The following PPM1E variants were observed in gnomAD, a reference collection of about 807,000 sequenced individuals.
The protein encoded by PPM1E is protein phosphatase, Mg2+/Mn2+ dependent 1E, also known as protein phosphatase 1E.
Under a neutral mutation model 65.9 loss-of-function variants are expected in PPM1E, and 20 were observed. The ratio of observed to expected loss-of-function variants is 0.30; its 90% CI spans 0.21 to 0.44. The LOEUF (loss-of-function observed/expected upper bound fraction) is 0.44, where lower values mean the gene tolerates loss of function less well. Among genes scored for constraint, PPM1E ranks in the 20% least tolerant of loss-of-function variants. PPM1E has a pLI of 1.00. For missense variants in PPM1E, 713 were observed against 953.1 expected (o/e 0.75, Z 3.32); for synonymous variants, 352 against 374.9 (o/e 0.94, Z 0.70).
intron 1 of PPM1E, among the ~76,000 whole-genome samples, chr17:58,819,985 CG>C (rs2050463546): frequency 1.3e-5 from 2 of 151,782 alleles, no homozygotes; most frequent in African/African-American, 4.8e-5. Flanking sequence ...TGCAGTGAGC[CG>C]AGATGGCACC....
rs1598662590 is a variant in PPM1E, at chr17:58,938,469, G to A, written c.465-17180G>A. On this transcript the variant is annotated intron_variant, in intron 1 of 6. Coordinates refer to ENST00000308249, the MANE Select transcript of PPM1E (RefSeq NM_014906.5). Reference sequence around the variant, plus strand: ...TTTTCAGGCTCCAAAGTCAATAGTGGTCTGTAATTATTCTTCATATATATA... The same window carrying A: ...TTTTCAGGCTCCAAAGTCAATAGTGATCTGTAATTATTCTTCATATATATA... Among the ~76,000 whole-genome samples, 3 of 152,194 alleles carry A rather than the reference G, an allele frequency of 2.0e-5. No individual in the cohort carries two copies. In the South Asian group the frequency reaches 6.2e-4, roughly 32 times the overall value.
rs1260179551 is a variant in PPM1E, at chr17:58,981,668, T to TAA, written c.*640_*641dup. 1 of 152,646 alleles carries TAA rather than the reference T, an allele frequency of 6.6e-6. No homozygotes were observed. Among genetic ancestry groups the TAA allele is most frequent in the East Asian group, 1.9e-4 (1 of 5,202 alleles). 9.5% of individuals were successfully genotyped at this position (152,646 alleles called of 1,614,324 possible). On this transcript the variant is annotated 3_prime_UTR_variant, in exon 7 of 7. Transcript: ENST00000308249. ...ATTTACGGATTTTTTTCCTGTAACA[T>TAA]AAAAGATTGTGAACTTTTTTTAATT...
intron 1 of PPM1E, among the ~76,000 whole-genome samples, chr17:58,856,773 C>G (rs966493540): frequency 6.6e-6 from 1 of 152,108 alleles, no homozygotes; most frequent in Non-Finnish European, 1.5e-5. Context: ...TAAATCAACC[C>G]TGATGACATC....
chr17:58,923,780 TG>T (rs1434010738), intron 1 of PPM1E, among the ~76,000 whole-genome samples: 2 of 148,104 alleles, frequency 1.4e-5, no homozygotes, highest in African/African-American at 5.0e-5. Context: ...TTGGACATGG[TG>T]GCTTGCACCA....
At chr17:58,863,776 G>A (rs1426923520) in intron 1 of PPM1E, among the ~76,000 whole-genome samples, 2 of 152,160 alleles carry the variant, frequency 1.3e-5, no homozygotes, top group African/African-American at 4.8e-5. Context: ...TGGAGTTCAG[G>A]TGTCCCAACC....
At chr17:58,764,583 G>A (rs995125145) in intron 1 of PPM1E, among the ~76,000 whole-genome samples, 23 of 152,036 alleles carry the variant, frequency 1.5e-4, no homozygotes, top group Non-Finnish European at 3.2e-4. Context: ...GTACAGGCAT[G>A]TGCCGTCATG....
At chr17:58,968,531 T>C (rs1244976955) in intron 3 of PPM1E, among the ~76,000 whole-genome samples, 1 of 152,174 alleles carries the variant, frequency 6.6e-6, no homozygotes, top group Non-Finnish European at 1.5e-5. Flanking sequence ...GCCTAACAGA[T>C]GAGAAAACTA....
intron 1 of PPM1E, among the ~76,000 whole-genome samples, chr17:58,929,359 C>A (rs1408001301): frequency 6.6e-6 from 1 of 152,058 alleles, no homozygotes; most frequent in African/African-American, 2.4e-5. Context: ...TGTCCTATAT[C>A]TTGGTAGGGT....
chr17:58,799,608 A>G (rs1228654578), intron 1 of PPM1E, among the ~76,000 whole-genome samples: 7 of 152,088 alleles, frequency 4.6e-5, no homozygotes, highest in Non-Finnish European at 8.8e-5. Flanking sequence ...ACGCCTGGCT[A>G]CATTTTTGTA....
chr17:58,863,060 TTGAA>T (rs1364924226), intron 1 of PPM1E, among the ~76,000 whole-genome samples: 3 of 152,228 alleles, frequency 2.0e-5, no homozygotes, highest in Admixed American at 2.0e-4. Flanking sequence ...ATGTCTGACT[TTGAA>T]TGGCTTCAGA....
chr17:58,833,183 C>A (rs2050621843), intron 1 of PPM1E, among the ~76,000 whole-genome samples: 1 of 151,550 alleles, frequency 6.6e-6, no homozygotes, highest in South Asian at 2.1e-4. Flanking sequence ...TTCATATGAC[C>A]ATTATCACAT....
chr17:58,822,734 T>C (rs1259866609), intron 1 of PPM1E, among the ~76,000 whole-genome samples: 1 of 152,198 alleles, frequency 6.6e-6, no homozygotes, highest in Non-Finnish European at 1.5e-5. Context: ...CTGGAATAGA[T>C]GATATGCTTT....
intron 1 of PPM1E, among the ~76,000 whole-genome samples, chr17:58,761,404 C>G (rs1431741064): frequency 6.6e-6 from 1 of 152,132 alleles, no homozygotes. Context: ...CTCTTTTGCC[C>G]TCTAGATAAA....
intron 1 of PPM1E, among the ~76,000 whole-genome samples, chr17:58,882,632 CCGCT>C (rs2051210015): frequency 6.6e-6 from 1 of 152,086 alleles, no homozygotes; most frequent in Non-Finnish European, 1.5e-5. Flanking sequence ...CTCAAGTGAT[CCGCT>C]CACCTCAGCC....
intron 1 of PPM1E, among the ~76,000 whole-genome samples, chr17:58,793,917 C>T (rs987781624): frequency 3.3e-5 from 5 of 152,150 alleles, no homozygotes; most frequent in Admixed American, 3.3e-4. Flanking sequence ...AATCTTGGCT[C>T]ACTGCAACCT....
intron 1 of PPM1E, among the ~76,000 whole-genome samples, chr17:58,938,790 T>C (rs2052020673): frequency 6.8e-6 from 1 of 147,986 alleles, no homozygotes; most frequent in Non-Finnish European, 1.5e-5. Context: ...ACTAATTCTT[T>C]TTTTTTTTTT....
rs781474648 is a variant in PPM1E, at chr17:58,981,001, A to G, written c.2238A>G (p.Pro746=). The change falls in exon 7 of 7, where the codon CCA becomes CCG. Residue 746 remains proline, a synonymous_variant. Coordinates refer to ENST00000308249, the MANE Select transcript of PPM1E (RefSeq NM_014906.5). The stretch of plus-strand genomic sequence containing the variant: ...GAAAGACTCATGATATTCCATGCCC[A>G]GATCTTCCTTGGAGCTATAAAATAG... ...KLRKTHDIPC[P]DLPWSYKIE 1 of 1,611,464 alleles carries G rather than the reference A, an allele frequency of 6.2e-7. No homozygotes were observed. The highest frequency in any genetic ancestry group is 2.2e-5 in the East Asian group (1 of 44,864).
intron 1 of PPM1E, among the ~76,000 whole-genome samples, chr17:58,947,618 C>G (rs1293887633): frequency 6.7e-6 from 1 of 150,154 alleles, no homozygotes; most frequent in South Asian, 2.1e-4. Flanking sequence ...TCTCTACTAT[C>G]TCGGTTCTCC....
intron 1 of PPM1E, among the ~76,000 whole-genome samples, chr17:58,919,924 C>T (rs1236546219): frequency 6.6e-6 from 1 of 152,128 alleles, no homozygotes; most frequent in African/African-American, 2.4e-5. Context: ...CACTTGCTGG[C>T]AGAATAAACT....
Sources: allele counts gnomAD v4.1 joint callset (sites outside exome capture counted in the v4.1 genomes callset), GRCh38; gene constraint gnomAD v4.1.1; transcripts MANE v1.5; gene names NCBI Gene and HGNC (gene_info 2026-07-23, HGNC 2026-07-21).